Variants in NDUFAF2 observed in about 807,000 individuals in gnomAD.
NDUFAF2 encodes the protein NADH dehydrogenase [ubiquinone] 1 alpha subcomplex assembly factor 2.
A neutral mutation model predicts 22.8 loss-of-function variants in NDUFAF2; 13 were observed. The observed-to-expected ratio is 0.57, with a 90% CI of 0.37 to 0.91. NDUFAF2 has a LOEUF of 0.91. Among genes scored for constraint, NDUFAF2 ranks in the 40% least tolerant of loss-of-function variants. NDUFAF2 has a pLI of 0.01. For missense variants in NDUFAF2, 162 were observed against 195.2 expected, an observed-to-expected ratio of 0.83 and a Z score of 1.01; for synonymous variants, 53 against 64.2, an observed-to-expected ratio of 0.83 and a Z score of 0.84.
chr5:61,020,032 A>T (rs566100271), intron 1 of NDUFAF2, among the ~76,000 whole-genome samples: 2 of 152,138 alleles, frequency 1.3e-5, no homozygotes, highest in South Asian at 4.1e-4. Flanking sequence ...TTCTTCTTTG[A>T]TCCATTTTGA....
rs114674525 is a variant in NDUFAF2, at chr5:61,107,541, C to T, written c.258+8509C>T. ...TGTTCTCCCATTCTGTGAGTTGTCTCTTCACCTTGTTGATTGTTACTTTTG... is the reference window on the plus strand; with the variant it reads ...TGTTCTCCCATTCTGTGAGTTGTCTTTTCACCTTGTTGATTGTTACTTTTG... On this transcript the variant is annotated intron_variant, in intron 3 of 3. Transcript: ENST00000296597. 2.6e-3 allele frequency among the ~76,000 whole-genome samples: 388 copies of T among 151,374 alleles called. 21 individuals are homozygous for T. The highest frequency in any genetic ancestry group is 9.1e-3 in the African/African-American group (372 of 40,782).
intron 2 of NDUFAF2, among the ~76,000 whole-genome samples, chr5:61,094,202 A>C (rs1580130754): frequency 1.3e-5 from 2 of 151,992 alleles, no homozygotes; most frequent in Admixed American, 6.6e-5. Context: ...TTTTTTGACT[A>C]TTCTTGTCTG....
chr5:61,074,811 G>A (rs1752347751), intron 2 of NDUFAF2, among the ~76,000 whole-genome samples: 2 of 152,076 alleles, frequency 1.3e-5, no homozygotes, highest in South Asian at 4.1e-4. Context: ...AATTTATAAA[G>A]GAAAAAGGTT....
chr5:61,149,994 A>G (rs939331617), intron 3 of NDUFAF2, among the ~76,000 whole-genome samples: 1 of 152,084 alleles, frequency 6.6e-6, no homozygotes, highest in Non-Finnish European at 1.5e-5. Flanking sequence ...CCGTGGTACA[A>G]TCTCAGCTCA....
At chr5:61,141,918 A>G (rs945158131) in intron 3 of NDUFAF2, among the ~76,000 whole-genome samples, 1 of 152,186 alleles carries the variant, frequency 6.6e-6, no homozygotes, top group Non-Finnish European at 1.5e-5. Flanking sequence ...CAGCTGGCAC[A>G]TAACAGCTCA....
rs566525352 is a variant in NDUFAF2, at chr5:61,074,448, A to T, written c.217+1234A>T. Reference sequence around the variant, plus strand: ...CTAAAAATACAAAAATTAGCTGGGCATGGTGGCACGTGCCTGTAGTCCCAG... The same window carrying T: ...CTAAAAATACAAAAATTAGCTGGGCTTGGTGGCACGTGCCTGTAGTCCCAG... On this transcript the variant is annotated intron_variant, in intron 2 of 3. Coordinates refer to ENST00000296597, the MANE Select transcript of NDUFAF2 (RefSeq NM_174889.5). Among the ~76,000 whole-genome samples the T allele has an allele frequency of 5.3e-5, 8 of 152,168 alleles. 1 individual carries two copies. In the South Asian group the frequency reaches 1.7e-3, roughly 32 times the overall value.
chr5:61,144,147 A>G lies in NDUFAF2; in HGVS notation c.259-8557A>G, dbSNP rs545468240. On this transcript the variant is annotated intron_variant, in intron 3 of 3. Coordinates refer to ENST00000296597, the MANE Select transcript of NDUFAF2 (RefSeq NM_174889.5). Reference sequence around the variant, plus strand: ...AATTATTCAAATACTTTTGAAGTCTATTATTATGGAATTTTATGCTTACCA... The same window carrying G: ...AATTATTCAAATACTTTTGAAGTCTGTTATTATGGAATTTTATGCTTACCA... 1.8e-4 allele frequency among the ~76,000 whole-genome samples: 27 copies of G among 152,206 alleles called. No homozygotes were observed. The East Asian group carries it at 3.3e-3, about 18-fold the overall frequency.
At chr5:60,946,812 C>T (rs1750465816) in intron 1 of NDUFAF2, among the ~76,000 whole-genome samples, 1 of 152,180 alleles carries the variant, frequency 6.6e-6, no homozygotes, top group Non-Finnish European at 1.5e-5. Flanking sequence ...CATTCCCACA[C>T]CCTTTGGCAA....
intron 3 of NDUFAF2, among the ~76,000 whole-genome samples, chr5:61,105,727 T>C (rs1368864275): frequency 6.6e-6 from 1 of 150,860 alleles, no homozygotes; most frequent in African/African-American, 2.5e-5. Flanking sequence ...CAAGTAAAGA[T>C]AGTGGGTCAA....
rs560899853 is a variant in NDUFAF2 at position 61,096,406 on chromosome 5, C to T, written c.218-2586C>T. On this transcript the variant is annotated intron_variant, in intron 2 of 3. Transcript: ENST00000296597. Reference sequence around the variant, plus strand: ...ACGAGGTCAAGAGATCGAGACCATTCTGGCCAACACGGTGAAACCCCGTCT... The same window carrying T: ...ACGAGGTCAAGAGATCGAGACCATTTTGGCCAACACGGTGAAACCCCGTCT... Among the ~76,000 whole-genome samples, 3 of 151,910 alleles carry T rather than the reference C, an allele frequency of 2.0e-5. No individual in the cohort carries two copies. The South Asian group carries it at 6.2e-4, about 32-fold the overall frequency.
At position 61,059,393 on chromosome 5, in the gene NDUFAF2, A is replaced by G. The variant is rs1193618139; in HGVS notation, c.128-13732A>G. Among the ~76,000 whole-genome samples, 3 of 152,074 alleles carry G rather than the reference A, an allele frequency of 2.0e-5. No homozygotes were observed. In the East Asian group the frequency reaches 5.8e-4, roughly 29 times the overall value. ...TTCTTAAATTGTGATATTCTTATGT[A>G]TTTTCAGATTGAAATTTTATTTGTG... On this transcript the variant is annotated intron_variant, in intron 1 of 3. Transcript: ENST00000296597.
chr5:61,007,980 T>G (rs1160506889), intron 1 of NDUFAF2, among the ~76,000 whole-genome samples: 1 of 151,846 alleles, frequency 6.6e-6, no homozygotes, highest in Non-Finnish European at 1.5e-5. Flanking sequence ...CCATAAAAAA[T>G]GATGATTTCA....
intron 1 of NDUFAF2, among the ~76,000 whole-genome samples, chr5:61,001,586 A>T (rs2112591071): frequency 6.6e-6 from 1 of 152,280 alleles, no homozygotes; most frequent in African/African-American, 2.4e-5. Context: ...TTTGATTAGA[A>T]ATCATGTCTC....
intron 3 of NDUFAF2, among the ~76,000 whole-genome samples, chr5:61,118,803 A>G (rs1752943595): frequency 6.6e-6 from 1 of 152,192 alleles, no homozygotes. Context: ...TTATTTATGG[A>G]TATATAGAGA....
At chr5:60,948,707 A>G (rs180709318) in intron 1 of NDUFAF2, among the ~76,000 whole-genome samples, 1 of 152,158 alleles carries the variant, frequency 6.6e-6, no homozygotes, top group East Asian at 1.9e-4. Flanking sequence ...TCACCTGTTC[A>G]TAGATATTTG....
chr5:61,109,492 T>C (rs992497390), intron 3 of NDUFAF2, among the ~76,000 whole-genome samples: 4 of 152,208 alleles, frequency 2.6e-5, no homozygotes, highest in African/African-American at 9.6e-5. Flanking sequence ...TTATATTGAA[T>C]AACAATAGTA....
At chr5:60,966,781 G>T (rs994666316) in intron 1 of NDUFAF2, among the ~76,000 whole-genome samples, 11 of 152,048 alleles carry the variant, frequency 7.2e-5, no homozygotes, top group African/African-American at 2.7e-4. Context: ...GTAGTGTGGT[G>T]CCTCAGCCTT....
At chr5:60,985,565 A>T (rs1751062120) in intron 1 of NDUFAF2, among the ~76,000 whole-genome samples, 2 of 152,248 alleles carry the variant, frequency 1.3e-5, no homozygotes, top group South Asian at 4.2e-4. Flanking sequence ...CACTGCTTTA[A>T]ATGTGTCCTG....
intron 1 of NDUFAF2, among the ~76,000 whole-genome samples, chr5:61,059,673 A>G (rs181005110): frequency 1.8e-4 from 28 of 152,224 alleles, no homozygotes; most frequent in Admixed American, 1.7e-3. Context: ...GAGATTCCTT[A>G]TAGGACACTT....
Sources: allele counts gnomAD v4.1 joint callset (sites outside exome capture counted in the v4.1 genomes callset), GRCh38; gene constraint gnomAD v4.1.1; transcripts MANE v1.5; gene names NCBI Gene and HGNC (gene_info 2026-07-23, HGNC 2026-07-21).